PTPRG: variants seen among roughly 807,000 people sequenced by gnomAD.
PTPRG encodes the protein protein tyrosine phosphatase receptor type G, also known as receptor-type tyrosine-protein phosphatase gamma.
PTPRG carries 102 observed loss-of-function variants against 165.3 expected under a neutral mutation model. The observed-to-expected ratio is 0.62, with a 90% confidence interval of 0.53 to 0.73. The LOEUF (loss-of-function observed/expected upper bound fraction) is 0.73. Among genes scored for constraint, PTPRG ranks in the 30% least tolerant of loss-of-function variants. The pLI is 0.00. For missense variants in PTPRG, 1,866 were observed against 1,861.4 expected, an observed-to-expected ratio of 1.00 and a Z score of -0.05; for synonymous variants, 675 against 669.5, an observed-to-expected ratio of 1.01 and a Z score of -0.13.
intron 4 of PTPRG, among the ~76,000 whole-genome samples, chr3:62,042,603 C>G (rs1183612795): frequency 6.6e-6 from 1 of 152,138 alleles, no homozygotes; most frequent in African/African-American, 2.4e-5. Flanking sequence ...TCCTTTGGGT[C>G]TCAGCTTAGC....
At chr3:61,919,937 A>G (rs1157418049) in intron 2 of PTPRG, among the ~76,000 whole-genome samples, 12 of 152,294 alleles carry the variant, frequency 7.9e-5, no homozygotes, top group Admixed American at 6.5e-4. Flanking sequence ...TTCTAATCCT[A>G]TTGGTTACCC....
chr3:61,853,532 C>T (rs1444552091), intron 2 of PTPRG, among the ~76,000 whole-genome samples: 1 of 152,204 alleles, frequency 6.6e-6, no homozygotes, highest in Admixed American at 6.5e-5. Flanking sequence ...ATCCTCCAGT[C>T]CATGTTAAGC....
At chr3:62,002,560 C>G (rs1050573136) in intron 3 of PTPRG, among the ~76,000 whole-genome samples, 1 of 152,180 alleles carries the variant, frequency 6.6e-6, no homozygotes, top group Non-Finnish European at 1.5e-5. Context: ...AAGTTATTCT[C>G]AATTTCTCCT....
chr3:61,914,429 T>G (rs917590997), intron 2 of PTPRG, among the ~76,000 whole-genome samples: 2 of 152,204 alleles, frequency 1.3e-5, no homozygotes, highest in Non-Finnish European at 2.9e-5. Context: ...CCGGCAATAT[T>G]TGGTAGCTCC....
At chr3:61,789,005 G>A (rs571870271) in intron 2 of PTPRG, among the ~76,000 whole-genome samples, 8 of 152,312 alleles carry the variant, frequency 5.3e-5, no homozygotes, top group African/African-American at 1.7e-4. Context: ...TTTAGGTGCT[G>A]TGTCTTAATA....
intron 5 of PTPRG, among the ~76,000 whole-genome samples, chr3:62,080,529 C>T (rs1466588492): frequency 2.0e-5 from 3 of 152,164 alleles, no homozygotes; most frequent in East Asian, 1.9e-4. Flanking sequence ...ACCTCTGCTC[C>T]TGTGGCCCTG....
chr3:61,742,388 G>A (rs957646261), intron 1 of PTPRG: 30 of 1,165,588 alleles, frequency 2.6e-5, no homozygotes, highest in Non-Finnish European at 3.3e-5. Context: ...AAGAAATTGG[G>A]CCTTTGGGTC....
In PTPRG at chr3:61,671,599, T is replaced by C. The variant is rs1702990663; in HGVS notation, c.86-77279T>C. ...AATCTTTTCCCCACCTTTCCCCCCT[T>C]TCTATTCCACAAAACCGCCATTGTC... is the stretch of plus-strand genomic sequence containing the variant. On this transcript the variant is annotated intron_variant, in intron 1 of 29. Transcript: ENST00000474889. Among the ~76,000 whole-genome samples, 4 of 148,312 alleles carry C rather than the reference T, an allele frequency of 2.7e-5. No homozygotes were observed. In the South Asian group the frequency reaches 6.6e-4, roughly 25 times the overall value.
intron 5 of PTPRG, among the ~76,000 whole-genome samples, chr3:62,079,331 C>A (rs1701491507): frequency 6.6e-6 from 1 of 152,162 alleles, no homozygotes; most frequent in Non-Finnish European, 1.5e-5. Flanking sequence ...AGAATAAGAA[C>A]AATGGTTGCC....
chr3:61,648,380 T>C (rs1702262485), intron 1 of PTPRG, among the ~76,000 whole-genome samples: 1 of 152,208 alleles, frequency 6.6e-6, no homozygotes, highest in Non-Finnish European at 1.5e-5. Context: ...CCTTCCTGTG[T>C]TTCACACATA....
chr3:62,175,463 A>C (rs1239521909), intron 8 of PTPRG, among the ~76,000 whole-genome samples: 1 of 152,186 alleles, frequency 6.6e-6, no homozygotes, highest in Non-Finnish European at 1.5e-5. Flanking sequence ...AAAAGAAAAG[A>C]AAAAGAAAGT....
At chr3:61,729,344 C>T (rs2032398112) in intron 1 of PTPRG, among the ~76,000 whole-genome samples, 1 of 152,196 alleles carries the variant, frequency 6.6e-6, no homozygotes, top group African/African-American at 2.4e-5. Flanking sequence ...GTCCTGTGTT[C>T]TTTCCCCTTT....
chr3:61,861,214 T>A (rs150287703), intron 2 of PTPRG, among the ~76,000 whole-genome samples: 21 of 152,306 alleles, frequency 1.4e-4, no homozygotes, highest in African/African-American at 5.1e-4. Context: ...GCCTGTATTA[T>A]GATAGTTTCA....
chr3:61,676,510 C>A (rs1202823412), intron 1 of PTPRG, among the ~76,000 whole-genome samples: 1 of 138,100 alleles, frequency 7.2e-6, no homozygotes, highest in African/African-American at 2.7e-5. Flanking sequence ...AGTACATTTT[C>A]TGAATACTTC....
chr3:61,711,308 G>T (rs2031543009), intron 1 of PTPRG, among the ~76,000 whole-genome samples: 2 of 152,162 alleles, frequency 1.3e-5, no homozygotes, highest in African/African-American at 4.8e-5. Context: ...TGCTGGGTCA[G>T]ATGGTATTTC....
At chr3:62,292,668 G>A in intron 29 of PTPRG, 112 bp downstream of exon 29, 2 of 1,283,770 alleles carry the variant, frequency 1.6e-6, no homozygotes, top group Middle Eastern at 5.2e-4. Flanking sequence ...GGGGACATTT[G>A]GCCATGTCTG....
At chr3:62,109,048 A>G (rs1702575018) in intron 5 of PTPRG, among the ~76,000 whole-genome samples, 1 of 152,008 alleles carries the variant, frequency 6.6e-6, no homozygotes, top group Admixed American at 6.6e-5. Flanking sequence ...CTTTAGTTTA[A>G]TTAGATCCCA....
intron 3 of PTPRG, among the ~76,000 whole-genome samples, chr3:62,002,437 A>ATGAG (rs1292079317): frequency 4.6e-5 from 7 of 152,152 alleles, no homozygotes; most frequent in African/African-American, 1.7e-4. Context: ...GAATGAATGA[A>ATGAG]TCCACTTCTA....
At chr3:62,205,727 G>A (rs1387584346) in intron 12 of PTPRG, among the ~76,000 whole-genome samples, 3 of 152,310 alleles carry the variant, frequency 2.0e-5, no homozygotes, top group South Asian at 4.1e-4. Flanking sequence ...GAGGGAGTGA[G>A]GGGGAGAGGA....
Sources: gnomAD v4.1 joint callset for allele counts (sites outside exome capture counted in the v4.1 genomes callset) on GRCh38, gnomAD v4.1.1 for gene constraint, MANE v1.5 for transcripts, NCBI Gene and HGNC (gene_info 2026-07-23, HGNC 2026-07-21) for gene names.